RALGAPA2: variants seen among roughly 807,000 people sequenced by gnomAD.
RALGAPA2 encodes the protein ral GTPase-activating protein subunit alpha-2.
A neutral mutation model predicts 230.4 loss-of-function variants in RALGAPA2; 139 were observed. That is an observed-to-expected ratio of 0.60 (90% CI 0.53 to 0.69). RALGAPA2 has a LOEUF of 0.69. RALGAPA2 is among the 30% of genes least tolerant of loss of function. RALGAPA2 has a pLI of 0.00. For missense variants in RALGAPA2, 2,163 were observed against 2,276.0 expected, an observed-to-expected ratio of 0.95 and a Z score of 1.01; for synonymous variants, 847 against 837.8, an observed-to-expected ratio of 1.01 and a Z score of -0.19.
chr20:20,488,125 A>C (rs2061960511), intron 36 of RALGAPA2, among the ~76,000 whole-genome samples: 2 of 152,250 alleles, frequency 1.3e-5, no homozygotes, highest in East Asian at 3.9e-4. Flanking sequence ...CGTCTCCCAC[A>C]AATACTGTAT....
intron 1 of RALGAPA2, among the ~76,000 whole-genome samples, chr20:20,689,970 C>T (rs1420770359): frequency 1.3e-5 from 2 of 152,078 alleles, no homozygotes; most frequent in African/African-American, 4.8e-5. Context: ...TCACCCTTCC[C>T]CAAACCTTCC....
chr20:20,462,737 A>G (rs1423266592), intron 37 of RALGAPA2, among the ~76,000 whole-genome samples: 5 of 152,182 alleles, frequency 3.3e-5, no homozygotes, highest in African/African-American at 4.8e-5. Flanking sequence ...ACCTGCTGGG[A>G]GCTCACTGTA....
chr20:20,605,173 ACCTTTGCCT>A lies in RALGAPA2; in HGVS notation c.2031_2038+1del. 1 of 1,592,374 alleles carries A rather than the reference ACCTTTGCCT, an allele frequency of 6.3e-7. No homozygotes were observed. The highest frequency in any genetic ancestry group is 8.6e-7 in the Non-Finnish European group (1 of 1,163,926). ...GGTGTTAACCTGGAAGAGTGGAAAT[ACCTTTGCCT>A]CGTTGCTTCTTTTCCTTTTGTTCAC... On this transcript the variant is annotated splice_donor_variant and coding_sequence_variant, in exon 15 of 40. Transcript: ENST00000202677. LOFTEE classifies it high-confidence loss of function.
intron 24 of RALGAPA2, 149 bp downstream of exon 24, chr20:20,546,555 C>T: frequency 9.3e-7 from 1 of 1,079,954 alleles, no homozygotes; most frequent in Non-Finnish European, 1.2e-6. Flanking sequence ...CCTACAATTT[C>T]ACACATCAGC....
chr20:20,402,710 T>C (rs2059871629), intron 38 of RALGAPA2, among the ~76,000 whole-genome samples: 1 of 152,220 alleles, frequency 6.6e-6, no homozygotes, highest in Non-Finnish European at 1.5e-5. Flanking sequence ...GAGATGGGAA[T>C]ACATGGCGAG....
At chr20:20,696,966 C>A (rs542998269) in intron 1 of RALGAPA2, among the ~76,000 whole-genome samples, 2 of 152,092 alleles carry the variant, frequency 1.3e-5, no homozygotes, top group Non-Finnish European at 2.9e-5. Flanking sequence ...GAACTCCTGG[C>A]CTCAAGCAAT....
intron 3 of RALGAPA2, among the ~76,000 whole-genome samples, chr20:20,655,643 T>C (rs1328019218): frequency 6.6e-6 from 1 of 152,116 alleles, no homozygotes; most frequent in African/African-American, 2.4e-5. Context: ...CTTAATGTCC[T>C]CATGGGAGCA....
At chr20:20,429,350 C>A (rs548342347) in intron 37 of RALGAPA2, among the ~76,000 whole-genome samples, 56 of 152,304 alleles carry the variant, frequency 3.7e-4, no homozygotes, top group Non-Finnish European at 6.2e-4. Flanking sequence ...TTGTTTGGTG[C>A]TAACAGGAAG....
At chr20:20,642,844 A>G (rs1053625006) in intron 5 of RALGAPA2, among the ~76,000 whole-genome samples, 1 of 152,216 alleles carries the variant, frequency 6.6e-6, no homozygotes, top group African/African-American at 2.4e-5. Flanking sequence ...TTAGCTTATT[A>G]AAGGCATTCG....
intron 31 of RALGAPA2, among the ~76,000 whole-genome samples, chr20:20,517,598 A>G (rs1317203343): frequency 1.3e-5 from 2 of 152,212 alleles, no homozygotes; most frequent in African/African-American, 2.4e-5. Context: ...AAGCTTCAAG[A>G]GATCCTTGCC....
chr20:20,512,467 A>G (rs759284505), intron 32 of RALGAPA2, 46 bp downstream of exon 32: 2 of 1,464,686 alleles, frequency 1.4e-6, no homozygotes, highest in African/African-American at 2.8e-5. Context: ...GAACAAGTAC[A>G]TGAAAATAAT....
chr20:20,706,551 T>TAAAACACC (rs1314648301), intron 1 of RALGAPA2, among the ~76,000 whole-genome samples: 2 of 152,164 alleles, frequency 1.3e-5, no homozygotes, highest in African/African-American at 4.8e-5. Flanking sequence ...CAATGAACAC[T>TAAAACACC]AAAACACCGG....
At chr20:20,497,208 C>CT (rs1405998598) in intron 35 of RALGAPA2, among the ~76,000 whole-genome samples, 2 of 152,294 alleles carry the variant, frequency 1.3e-5, no homozygotes, top group Non-Finnish European at 2.9e-5. Context: ...TTTGCTACAG[C>CT]TTTTTTCTTT....
Position 20,611,331 on chromosome 20 carries a change from G to T in RALGAPA2, c.1784C>A (p.Ala595Glu), listed in dbSNP as rs377323732. 6.9e-5 allele frequency: 112 copies of T among 1,612,128 alleles called. No homozygotes were observed. Among genetic ancestry groups the T allele is most frequent in the Non-Finnish European group, 9.2e-5 (109 of 1,178,802 alleles). The part of the protein sequence containing the change: ...QIKDLFAQSL[A>E]GLLFRTLMVA... ...AAGACTTACCCTAAATAGTAACCCT[G>T]CCAAGCTCTGGGCAAACAAGTCCTT... The change falls in exon 14 of 40, where the codon GCA (alanine) becomes GAA (glutamate). Residue 595 changes from alanine to glutamate, a missense_variant. Coordinates refer to ENST00000202677, the MANE Select transcript of RALGAPA2 (RefSeq NM_020343.4).
chr20:20,504,166 C>A (rs1210930113), intron 34 of RALGAPA2, among the ~76,000 whole-genome samples: 1 of 152,106 alleles, frequency 6.6e-6, no homozygotes, highest in Non-Finnish European at 1.5e-5. Flanking sequence ...TAAACATATA[C>A]TCTCAAAACT....
chr20:20,463,545 G>A (rs974452987), intron 37 of RALGAPA2, among the ~76,000 whole-genome samples: 9 of 152,104 alleles, frequency 5.9e-5, no homozygotes, highest in African/African-American at 2.2e-4. Context: ...TTTTTATTAG[G>A]ATTCATTAGG....
At chr20:20,596,574 A>T (rs2058830957) in intron 16 of RALGAPA2, among the ~76,000 whole-genome samples, 2 of 152,208 alleles carry the variant, frequency 1.3e-5, no homozygotes, top group Non-Finnish European at 2.9e-5. Flanking sequence ...ACAGTCATAA[A>T]GGACAATGGC....
chr20:20,638,755 C>T (rs558894540), intron 7 of RALGAPA2, among the ~76,000 whole-genome samples: 2 of 152,310 alleles, frequency 1.3e-5, no homozygotes, highest in East Asian at 3.9e-4. Context: ...AATATGAAAG[C>T]ATGCCCCAGT....
At chr20:20,513,374 G>A (rs950952337) in intron 31 of RALGAPA2, 90 bp from the exon 32 acceptor site, 4 of 1,087,638 alleles carry the variant, frequency 3.7e-6, no homozygotes, top group Non-Finnish European at 4.8e-6. Flanking sequence ...GCAGGGGGCA[G>A]TTCCAATATG....
Sources: allele counts gnomAD v4.1 joint callset (sites outside exome capture counted in the v4.1 genomes callset), GRCh38; gene constraint gnomAD v4.1.1; transcripts MANE v1.5; gene names NCBI Gene and HGNC (gene_info 2026-07-23, HGNC 2026-07-21).